Variants in EYS observed in about 807,000 individuals in gnomAD.
The protein encoded by EYS is protein eyes shut homolog.
EYS carries 250 observed loss-of-function variants against 282.1 expected under a neutral mutation model. The ratio of observed to expected loss-of-function variants is 0.89; its 90% CI spans 0.80 to 0.98. EYS has a LOEUF of 0.98. EYS is among the 50% of genes least tolerant of loss of function. EYS has a pLI of 0.00. For synonymous variants in EYS, 1,355 were observed against 1,282.9 expected (o/e 1.06, Z -1.20); for missense variants, 4,016 against 3,709.0 (o/e 1.08, Z -2.15).
chr6:64,302,824 C>T (rs1196771703), intron 30 of EYS, among the ~76,000 whole-genome samples: 1 of 152,118 alleles, frequency 6.6e-6, no homozygotes, highest in Non-Finnish European at 1.5e-5. Flanking sequence ...AAAACCTGCA[C>T]TTTTATGGAA....
intron 29 of EYS, among the ~76,000 whole-genome samples, chr6:64,383,213 ATTGT>A (rs1458919483): frequency 6.6e-6 from 1 of 152,174 alleles, no homozygotes; most frequent in Non-Finnish European, 1.5e-5. Flanking sequence ...AGGTGGGAAG[ATTGT>A]TTGAGCTCAG....
chr6:64,171,378 A>G (rs1319853733), intron 31 of EYS, among the ~76,000 whole-genome samples: 3 of 152,202 alleles, frequency 2.0e-5, no homozygotes, highest in Non-Finnish European at 4.4e-5. Context: ...TGTCATAATG[A>G]TCTTGAATTC....
chr6:63,901,418 T>C (rs1383512866), intron 35 of EYS, among the ~76,000 whole-genome samples: 1 of 152,318 alleles, frequency 6.6e-6, no homozygotes, highest in East Asian at 1.9e-4. Flanking sequence ...ACATGTGTAA[T>C]GCACCGAGGA....
At chr6:64,439,657 G>A (rs939586443) in intron 26 of EYS, among the ~76,000 whole-genome samples, 1 of 151,694 alleles carries the variant, frequency 6.6e-6, no homozygotes, top group Non-Finnish European at 1.5e-5. Flanking sequence ...TTCTAAATAT[G>A]TACTTATTTC....
chr6:63,887,138 A>C (rs1035983769), intron 35 of EYS, among the ~76,000 whole-genome samples: 2 of 152,112 alleles, frequency 1.3e-5, no homozygotes, highest in Non-Finnish European at 2.9e-5. Context: ...AGGCATAAGC[A>C]CCAGTTAGAT....
intron 1 of EYS, among the ~76,000 whole-genome samples, chr6:65,692,558 T>C (rs373258676): frequency 1.3e-5 from 2 of 150,222 alleles, no homozygotes; most frequent in African/African-American, 4.8e-5. Context: ...TTCCTTGTGA[T>C]ATTATAATTG....
At chr6:64,478,032 T>G (rs1776326714) in intron 26 of EYS, among the ~76,000 whole-genome samples, 1 of 152,164 alleles carries the variant, frequency 6.6e-6, no homozygotes, top group African/African-American at 2.4e-5. Flanking sequence ...TATTATGAAC[T>G]TGCTGTTATG....
intron 12 of EYS, among the ~76,000 whole-genome samples, chr6:65,254,394 A>C (rs1447790202): frequency 6.6e-6 from 1 of 151,920 alleles, no homozygotes; most frequent in African/African-American, 2.4e-5. Context: ...AAGTGTAAGA[A>C]CAAGTAGGAA....
rs796999871 is a variant in EYS, at chr6:63,859,111, T to TTTTTTTTA, written c.7228+5074_7228+5075insTAAAAAAA. 1.2e-3 allele frequency among the ~76,000 whole-genome samples: 89 copies of TTTTTTTTA among 71,204 alleles called. 23 individuals carry two copies. The highest frequency in any genetic ancestry group is 5.4e-3 in the African/African-American group (86 of 15,790). The allele number at this position is 71,204 out of a possible 152,430, so 46.7% of individuals were successfully genotyped here. On this transcript the variant is annotated intron_variant, in intron 36 of 42. Coordinates refer to ENST00000503581, the MANE Select transcript of EYS (RefSeq NM_001142800.2). Reference sequence around the variant, plus strand: ...TTTTTTTTTTTTTTTTTTTTTTTTTTAATAGCTGGGATGGAGATGCAGCCT... The same window carrying TTTTTTTTA: ...TTTTTTTTTTTTTTTTTTTTTTTTTTTTTTTTTAAATAGCTGGGATGGAGATGCAGCCT...
intron 28 of EYS, among the ~76,000 whole-genome samples, chr6:64,395,335 A>T (rs1156646843): frequency 1.4e-4 from 22 of 152,290 alleles, no homozygotes; most frequent in East Asian, 9.7e-4. Context: ...ATGCACACGT[A>T]TGTTTATTGC....
At chr6:63,782,293 T>C (rs935278702) in intron 39 of EYS, among the ~76,000 whole-genome samples, 2 of 152,228 alleles carry the variant, frequency 1.3e-5, no homozygotes, top group African/African-American at 4.8e-5. Flanking sequence ...TTCCCTCTTT[T>C]TCTATTGATT....
chr6:63,801,816 G>A (rs1219602428), intron 37 of EYS, among the ~76,000 whole-genome samples: 3 of 152,176 alleles, frequency 2.0e-5, no homozygotes, highest in Non-Finnish European at 4.4e-5. Context: ...TGAGTGTTCA[G>A]CTTTGAAAGA....
At chr6:64,149,735 T>C (rs960334825) in intron 31 of EYS, among the ~76,000 whole-genome samples, 1 of 152,164 alleles carries the variant, frequency 6.6e-6, no homozygotes, top group African/African-American at 2.4e-5. Context: ...AAGGAGACAA[T>C]ATTCAGATCT....
chr6:64,011,619 C>T (rs993698066), intron 33 of EYS, among the ~76,000 whole-genome samples: 15 of 148,496 alleles, frequency 1.0e-4, no homozygotes, highest in African/African-American at 3.0e-4. Flanking sequence ...AGAAATAGAA[C>T]GTATGGATTT....
intron 22 of EYS, among the ~76,000 whole-genome samples, chr6:64,758,878 C>G (rs1308319170): frequency 1.3e-5 from 2 of 152,188 alleles, no homozygotes; most frequent in African/African-American, 4.8e-5. Context: ...GTGGCTCACG[C>G]CTGTAATCCC....
At chr6:63,886,792 T>C (rs549682799) in intron 35 of EYS, among the ~76,000 whole-genome samples, 1 of 152,284 alleles carries the variant, frequency 6.6e-6, no homozygotes, top group Admixed American at 6.5e-5. Context: ...TCAAATGCTA[T>C]AAAATTGAGT....
At chr6:65,008,330 G>A (rs1490631433) in intron 13 of EYS, among the ~76,000 whole-genome samples, 3 of 151,958 alleles carry the variant, frequency 2.0e-5, no homozygotes, top group African/African-American at 7.3e-5. Context: ...TCAATCAGCT[G>A]CAGACATTAG....
intron 31 of EYS, among the ~76,000 whole-genome samples, chr6:64,213,480 G>A (rs1343769488): frequency 4.6e-5 from 7 of 152,174 alleles, no homozygotes; most frequent in African/African-American, 1.4e-4. Context: ...AAATGCATCA[G>A]CATGATATGT....
At chr6:65,595,649 C>CAAAA (rs61686102) in intron 2 of EYS, among the ~76,000 whole-genome samples, 3 of 146,132 alleles carry the variant, frequency 2.1e-5, no homozygotes, top group South Asian at 4.3e-4. Context: ...TCTTTTATCT[C>CAAAA]AAAAAAAAAA....
Sources: gnomAD v4.1 joint callset for allele counts (sites outside exome capture counted in the v4.1 genomes callset) on GRCh38, gnomAD v4.1.1 for gene constraint, MANE v1.5 for transcripts, NCBI Gene and HGNC (gene_info 2026-07-23, HGNC 2026-07-21) for gene names.